The following DPF3 variants were observed in gnomAD, a reference collection of about 807,000 sequenced individuals.
The protein encoded by DPF3 is zinc finger protein DPF3.
Under a neutral mutation model 56.8 loss-of-function variants are expected in DPF3, and 18 were observed. The observed-to-expected ratio is 0.32, with a 90% confidence interval of 0.22 to 0.47. The LOEUF (loss-of-function observed/expected upper bound fraction) is 0.47, where lower values mean the gene tolerates loss of function less well. Ranked by LOEUF, DPF3 falls within the 20% of genes least tolerant of loss-of-function variation. The probability of loss-of-function intolerance (pLI) is 1.00; values close to 1 mark genes in which losing one functional copy is unlikely to be tolerated. For synonymous variants in DPF3, 188 were observed against 180.2 expected (o/e 1.04, Z -0.35); for missense variants, 403 against 488.8 (o/e 0.82, Z 1.65).
intron 6 of DPF3, among the ~76,000 whole-genome samples, chr14:72,713,165 G>A (rs147334073): frequency 4.6e-5 from 7 of 152,334 alleles, no homozygotes; most frequent in Non-Finnish European, 1.0e-4. Context: ...CCCATGCCCT[G>A]CTCCTTCCTC....
chr14:72,790,448 A>T (rs1462114864), intron 1 of DPF3, among the ~76,000 whole-genome samples: 1 of 152,158 alleles, frequency 6.6e-6, no homozygotes, highest in Non-Finnish European at 1.5e-5. Context: ...ATAATACATG[A>T]TGGCTACTTA....
At chr14:72,877,467 C>G (rs1368262629) in intron 1 of DPF3, among the ~76,000 whole-genome samples, 1 of 152,222 alleles carries the variant, frequency 6.6e-6, no homozygotes, top group East Asian at 1.9e-4. Context: ...TCAACACATT[C>G]CAAGCAGGAA....
At chr14:72,843,414 A>C (rs1884629988) in intron 1 of DPF3, among the ~76,000 whole-genome samples, 1 of 152,242 alleles carries the variant, frequency 6.6e-6, no homozygotes, top group Non-Finnish European at 1.5e-5. Context: ...GAAATCTGTT[A>C]AAGAGATCTG....
intron 1 of DPF3, among the ~76,000 whole-genome samples, chr14:72,884,691 C>T (rs923402112): frequency 6.6e-6 from 1 of 151,582 alleles, no homozygotes; most frequent in African/African-American, 2.4e-5. Flanking sequence ...CATCTCCATC[C>T]ACCTAGGAAG....
chr14:72,730,981 A>C (rs959021933), intron 4 of DPF3, among the ~76,000 whole-genome samples: 20 of 152,244 alleles, frequency 1.3e-4, no homozygotes, highest in African/African-American at 4.6e-4. Flanking sequence ...CAGCCTGGCC[A>C]ATATGGTGAA....
chr14:72,790,819 C>T (rs2139981690), intron 1 of DPF3, among the ~76,000 whole-genome samples: 1 of 152,264 alleles, frequency 6.6e-6, no homozygotes, highest in Admixed American at 6.5e-5. Flanking sequence ...CTCAAGAGCC[C>T]CATCGCCTCT....
intron 6 of DPF3, among the ~76,000 whole-genome samples, chr14:72,712,193 C>A (rs549486412): frequency 1.6e-4 from 24 of 152,212 alleles, no homozygotes; most frequent in African/African-American, 5.3e-4. Flanking sequence ...CACTACAGGG[C>A]ACACAGAAGG....
intron 8 of DPF3, chr14:72,661,369 C>G (rs1376128579): frequency 1.0e-6 from 1 of 985,272 alleles, no homozygotes; most frequent in Admixed American, 6.1e-5. Flanking sequence ...AAGAGATTCT[C>G]AGGCTCAGAA....
intron 1 of DPF3, chr14:72,836,613 G>A: frequency 7.3e-6 from 6 of 817,102 alleles, no homozygotes; most frequent in Non-Finnish European, 8.9e-6. Flanking sequence ...TTTCTCTGAA[G>A]GAAACCTCCT....
chr14:72,681,243 A>G (rs1887155700), intron 7 of DPF3, among the ~76,000 whole-genome samples: 1 of 152,220 alleles, frequency 6.6e-6, no homozygotes, highest in South Asian at 2.1e-4. Context: ...GAGTCCCCCG[A>G]GCACAGGGTG....
chr14:72,660,732 C>T (rs1254679508), intron 8 of DPF3, among the ~76,000 whole-genome samples: 1 of 152,186 alleles, frequency 6.6e-6, no homozygotes, highest in Non-Finnish European at 1.5e-5. Context: ...TTCAATCCAT[C>T]AATTTTGGCC....
rs1394181927 is a variant in DPF3, at chr14:72,610,050, C to T, written c.*9247G>A. Among the ~76,000 whole-genome samples the T allele has an allele frequency of 5.9e-5, 9 of 152,200 alleles. No individual in the cohort carries two copies. The highest frequency in any genetic ancestry group is 5.9e-4 in the Admixed American group (9 of 15,280). On this transcript the variant is annotated 3_prime_UTR_variant, in exon 11 of 11. Transcript: ENST00000556509. Reference sequence around the variant, plus strand: ...TGGTCATTCCTTTATGACTGAGAGTCTCAGAAGGAGTTGTGAGTGTGAGGT... The same window carrying T: ...TGGTCATTCCTTTATGACTGAGAGTTTCAGAAGGAGTTGTGAGTGTGAGGT...
chr14:72,837,329 A>G (rs1037761879), intron 1 of DPF3, among the ~76,000 whole-genome samples: 4 of 152,330 alleles, frequency 2.6e-5, no homozygotes, highest in African/African-American at 7.2e-5. Context: ...TGACCATTCC[A>G]GCCATGGATC....
Position 72,771,727 on chromosome 14 carries a change from G to A in DPF3, c.193+6C>T, listed in dbSNP as rs1217716341. ...ATGCGCATGTCCCAGGAGTGGCGCA[G>A]CTCACCTGGGCCTCGGTGCCTCTTC... On this transcript the variant is annotated splice_donor_region_variant and intron_variant, in intron 2 of 10. Coordinates refer to ENST00000556509, the MANE Select transcript of DPF3 (RefSeq NM_001280542.3). 1 of 1,609,702 alleles carries A rather than the reference G, an allele frequency of 6.2e-7. No homozygotes were observed. The highest frequency in any genetic ancestry group is 2.2e-5 in the East Asian group (1 of 44,744).
chr14:72,755,974 C>T (rs193302779), intron 2 of DPF3, among the ~76,000 whole-genome samples: 1 of 152,280 alleles, frequency 6.6e-6, no homozygotes, highest in African/African-American at 2.4e-5. Context: ...AGGCAGATAA[C>T]TCAAAGCATG....
At chr14:72,745,192 A>C (rs1241543465) in intron 3 of DPF3, among the ~76,000 whole-genome samples, 1 of 152,216 alleles carries the variant, frequency 6.6e-6, no homozygotes, top group Non-Finnish European at 1.5e-5. Context: ...GATGCAACCC[A>C]GGATGGACAA....
intron 8 of DPF3, among the ~76,000 whole-genome samples, chr14:72,658,893 T>A (rs1298113873): frequency 1.3e-5 from 2 of 152,152 alleles, no homozygotes; most frequent in Non-Finnish European, 2.9e-5. Context: ...AGGCACATGG[T>A]CATGTTCAGT....
At chr14:72,865,774 C>A (rs1200920938) in intron 1 of DPF3, among the ~76,000 whole-genome samples, 1 of 152,178 alleles carries the variant, frequency 6.6e-6, no homozygotes, top group Non-Finnish European at 1.5e-5. Flanking sequence ...AGGCCGGGTG[C>A]ATCGGCTCAT....
At chr14:72,820,744 C>T (rs1393698633) in intron 1 of DPF3, among the ~76,000 whole-genome samples, 2 of 152,144 alleles carry the variant, frequency 1.3e-5, no homozygotes, top group Non-Finnish European at 2.9e-5. Context: ...CCTATAATCC[C>T]AGCACTTTGG....
Sources: gnomAD v4.1 joint callset for allele counts (sites outside exome capture counted in the v4.1 genomes callset) on GRCh38, gnomAD v4.1.1 for gene constraint, MANE v1.5 for transcripts, NCBI Gene and HGNC (gene_info 2026-07-23, HGNC 2026-07-21) for gene names.